SH3RF2: variants seen among roughly 807,000 people sequenced by gnomAD.
SH3RF2 encodes SH3 domain containing ring finger 2, also known as E3 ubiquitin-protein ligase SH3RF2.
A neutral mutation model predicts 59.0 loss-of-function variants in SH3RF2; 43 were observed. That is an observed-to-expected ratio of 0.73 (90% CI 0.57 to 0.94). The LOEUF (loss-of-function observed/expected upper bound fraction) is 0.94, where lower values mean the gene tolerates loss of function less well. Ranked by LOEUF, SH3RF2 falls within the 40% of genes least tolerant of loss-of-function variation. The probability of loss-of-function intolerance (pLI) is 0.00; values close to 1 mark genes in which losing one functional copy is unlikely to be tolerated. For synonymous variants in SH3RF2, 391 were observed against 391.5 expected (o/e 1.00, Z 0.01); for missense variants, 930 against 940.1 (o/e 0.99, Z 0.14).
chr5:146,065,472 G>A (rs78612193), downstream of SH3RF2, among the ~76,000 whole-genome samples: 3,622 of 152,276 alleles, frequency 0.024, 148 homozygotes, highest in African/African-American at 0.083. Context: ...ATCCCTCAGT[G>A]GCAATGTATC....
At chr5:146,072,741 A>C (rs1763264760) in intron 9 of SH3RF2, among the ~76,000 whole-genome samples, 1 of 152,188 alleles carries the variant, frequency 6.6e-6, no homozygotes, top group South Asian at 2.1e-4. Flanking sequence ...TACCTAGTGA[A>C]TCCCTTAGAG....
chr5:146,070,117 G>A (rs1476406551), intron 9 of SH3RF2, among the ~76,000 whole-genome samples: 1 of 152,088 alleles, frequency 6.6e-6, no homozygotes, highest in Non-Finnish European at 1.5e-5. Flanking sequence ...TATGACAGAA[G>A]TACTGCTATT....
At chr5:145,996,731 G>A (rs1050147473) in intron 2 of SH3RF2, among the ~76,000 whole-genome samples, 18 of 152,176 alleles carry the variant, frequency 1.2e-4, no homozygotes, top group Non-Finnish European at 2.5e-4. Context: ...TCTCATAGAC[G>A]TAGAGTCAAG....
intron 1 of SH3RF2, chr5:145,936,896 T>C (rs1249698321): frequency 6.6e-6 from 1 of 152,256 alleles, no homozygotes; most frequent in African/African-American, 2.4e-5. Flanking sequence ...ACAGCTGACT[T>C]CTTCCAGACT....
Position 145,942,669 on chromosome 5 carries a change from G to T in SH3RF2, c.378+4363G>T, listed in dbSNP as rs73310147. 9.8e-3 allele frequency among the ~76,000 whole-genome samples: 1,491 copies of T among 152,318 alleles called. 25 individuals carry two copies. Among genetic ancestry groups the T allele is most frequent in the African/African-American group, 0.034 (1,420 of 41,564 alleles). ...CAGCAGATAGGTGCCATCTGGGACA[G>T]CAAGGACCATATGTAGTAGGTGGAG... On this transcript the variant is annotated intron_variant, in intron 2 of 9. Coordinates refer to ENST00000359120, the MANE Select transcript of SH3RF2 (RefSeq NM_152550.4).
At chr5:145,962,699 T>C (rs1332824778) in intron 2 of SH3RF2, among the ~76,000 whole-genome samples, 1 of 151,378 alleles carries the variant, frequency 6.6e-6, no homozygotes. Flanking sequence ...GATTAAAAGC[T>C]CAGAAAATTC....
chr5:146,013,040 G>A lies in SH3RF2; in HGVS notation c.745-707G>A, dbSNP rs111625788. On this transcript the variant is annotated intron_variant, in intron 4 of 9. Transcript: ENST00000359120. The stretch of plus-strand genomic sequence containing the variant: ...TAAGAGATATAGAACAAGGAAGAAT[G>A]GTGATTACATGAACATATTTAAAGG... Among the ~76,000 whole-genome samples, 15 of 152,232 alleles carry A rather than the reference G, an allele frequency of 9.9e-5. 3 individuals are homozygous for A. Among genetic ancestry groups the A allele is most frequent in the African/African-American group, 3.6e-4 (15 of 41,526 alleles).
At chr5:145,952,508 A>T (rs1301460311) in intron 2 of SH3RF2, among the ~76,000 whole-genome samples, 4 of 152,228 alleles carry the variant, frequency 2.6e-5, no homozygotes, top group African/African-American at 9.6e-5. Context: ...GAAAGGAAGA[A>T]ATTCTACATT....
intron 2 of SH3RF2, among the ~76,000 whole-genome samples, chr5:145,963,149 G>A (rs1187594260): frequency 4.0e-5 from 6 of 151,344 alleles, no homozygotes; most frequent in Admixed American, 6.6e-5. Context: ...CACCCACCTC[G>A]GCCTCCCAAA....
At chr5:146,046,899 A>C (rs980191577) in intron 5 of SH3RF2, among the ~76,000 whole-genome samples, 1 of 151,930 alleles carries the variant, frequency 6.6e-6, no homozygotes, top group Admixed American at 6.6e-5. Flanking sequence ...GAGTAGCTGG[A>C]ATGACAGGCA....
At chr5:145,969,113 G>A (rs1484600849) in intron 2 of SH3RF2, among the ~76,000 whole-genome samples, 1 of 152,138 alleles carries the variant, frequency 6.6e-6, no homozygotes, top group Non-Finnish European at 1.5e-5. Flanking sequence ...GGCCAAGGGT[G>A]TGCAAATATT....
intron 2 of SH3RF2, among the ~76,000 whole-genome samples, chr5:145,952,165 G>A (rs1758216594): frequency 6.6e-6 from 1 of 152,040 alleles, no homozygotes; most frequent in Non-Finnish European, 1.5e-5. Context: ...TTCCACTGAG[G>A]GTCCCTGGTC....
At chr5:145,997,715 A>C in intron 2 of SH3RF2, 1 of 1,569,492 alleles carries the variant, frequency 6.4e-7, no homozygotes, top group Non-Finnish European at 8.7e-7. Context: ...TATATGCTAC[A>C]AGCCAGCAAA....
chr5:146,000,610 T>C (rs1760371672), intron 3 of SH3RF2, among the ~76,000 whole-genome samples: 1 of 152,220 alleles, frequency 6.6e-6, no homozygotes, highest in Non-Finnish European at 1.5e-5. Context: ...TTTTTTATTG[T>C]AATTACAAAA....
intron 2 of SH3RF2, among the ~76,000 whole-genome samples, chr5:145,945,625 G>T (rs2149942016): frequency 6.6e-6 from 1 of 152,250 alleles, no homozygotes; most frequent in African/African-American, 2.4e-5. Context: ...CCTAGAAAAG[G>T]CAGGATAGGG....
intron 7 of SH3RF2, 54 bp downstream of exon 7, chr5:146,049,299 G>T (rs755591628): frequency 1.9e-6 from 3 of 1,545,138 alleles, no homozygotes; most frequent in Non-Finnish European, 2.6e-6. Context: ...TAGGCCAGGG[G>T]CCATCTGTGG....
In SH3RF2 at chr5:146,072,255, A is replaced by G. The variant is rs147836979; in HGVS notation, c.*34-6205A>G. Among the ~76,000 whole-genome samples, 537 of 152,326 alleles carry G rather than the reference A, an allele frequency of 3.5e-3. 2 individuals are homozygous for G. Among genetic ancestry groups the G allele is most frequent in the African/African-American group, 0.012 (510 of 41,572 alleles). On this transcript the variant is annotated intron_variant, in intron 9 of 9. Transcript: ENST00000511217. ...AGCACTTCACACTGTGATTGGGAAA[A>G]TCAAGTGACACGAGGCCAGATGTTG...
chr5:146,071,977 C>A (rs1352831309), intron 9 of SH3RF2, among the ~76,000 whole-genome samples: 3 of 152,072 alleles, frequency 2.0e-5, no homozygotes, highest in Non-Finnish European at 4.4e-5. Flanking sequence ...GCAAGCTAGG[C>A]TCTATCAGAC....
chr5:145,996,859 C>T (rs1760176234), intron 2 of SH3RF2, among the ~76,000 whole-genome samples: 1 of 152,184 alleles, frequency 6.6e-6, no homozygotes. Context: ...AGTTAATAAA[C>T]CACTCTGTGT....
Sources: allele counts gnomAD v4.1 joint callset (sites outside exome capture counted in the v4.1 genomes callset), GRCh38; gene constraint gnomAD v4.1.1; transcripts MANE v1.5; gene names NCBI Gene and HGNC (gene_info 2026-07-23, HGNC 2026-07-21).